ERI1: variants seen among roughly 807,000 people sequenced by gnomAD.
ERI1 encodes the protein 3'-5' exoribonuclease 1.
ERI1 carries 39 observed loss-of-function variants against 39.7 expected under a neutral mutation model. That is an observed-to-expected ratio of 0.98 (90% CI 0.76 to 1.28). The LOEUF (loss-of-function observed/expected upper bound fraction) is 1.28, where lower values mean the gene tolerates loss of function less well. Ranked by LOEUF, ERI1 falls within the 50% of genes most tolerant of loss-of-function variation. The pLI, the probability that ERI1 is intolerant of heterozygous loss-of-function variation, is 0.00. For missense variants in ERI1, 581 were observed against 416.9 expected (o/e 1.39, Z -3.43); for synonymous variants, 204 against 149.6 (o/e 1.36, Z -2.65).
chr8:9,003,617 C>T (rs1472762267), intron 1 of ERI1, among the ~76,000 whole-genome samples: 2 of 152,186 alleles, frequency 1.3e-5, no homozygotes, highest in South Asian at 2.1e-4. Flanking sequence ...GTCTCTGTAC[C>T]TGTTAAGTGG....
intron 6 of ERI1, among the ~76,000 whole-genome samples, chr8:9,029,099 C>G (rs1296977982): frequency 1.3e-5 from 2 of 149,168 alleles, no homozygotes; most frequent in African/African-American, 2.5e-5. Context: ...AAAGGCTAGT[C>G]TTTTTATCTA....
At chr8:9,013,952 C>T (rs28441364) in intron 3 of ERI1, among the ~76,000 whole-genome samples, 2,432 of 152,282 alleles carry the variant, frequency 0.016, 59 homozygotes, top group African/African-American at 0.055. Flanking sequence ...GCATTCGCCA[C>T]CTAACTGGTC....
At chr8:9,063,208 G>A (rs1010761504) in intron 3 of ERI1, among the ~76,000 whole-genome samples, 5 of 152,142 alleles carry the variant, frequency 3.3e-5, no homozygotes, top group African/African-American at 1.2e-4. Flanking sequence ...TGACCTTTTA[G>A]GGTCTAGGGC....
chr8:9,011,460 C>G (rs144606704), intron 2 of ERI1, 82 bp from the exon 3 acceptor site: 1 of 856,974 alleles, frequency 1.2e-6, no homozygotes, highest in African/African-American at 1.7e-5. Flanking sequence ...TGTCAGTGTT[C>G]AGCCCAGTGC....
intron 3 of ERI1, among the ~76,000 whole-genome samples, chr8:9,014,168 C>CA (rs1409091657): frequency 6.6e-6 from 1 of 152,212 alleles, no homozygotes; most frequent in Non-Finnish European, 1.5e-5. Context: ...TTCCTTAACT[C>CA]ATTCCACTCC....
At chr8:9,013,038 TA>T (rs1313287178) in intron 3 of ERI1, among the ~76,000 whole-genome samples, 6 of 152,054 alleles carry the variant, frequency 3.9e-5, no homozygotes, top group Admixed American at 1.3e-4. Context: ...TTTTCTTTTT[TA>T]AGATAGAGTC....
At chr8:9,006,029 G>A (rs945154992) in intron 1 of ERI1, among the ~76,000 whole-genome samples, 2 of 152,228 alleles carry the variant, frequency 1.3e-5, no homozygotes, top group Admixed American at 1.3e-4. Context: ...CGTATTATAT[G>A]TGACATGTGA....
intron 3 of ERI1, among the ~76,000 whole-genome samples, chr8:9,012,449 G>T (rs1300323284): frequency 1.3e-5 from 2 of 152,162 alleles, no homozygotes; most frequent in African/African-American, 4.8e-5. Flanking sequence ...GATATCCTCA[G>T]TTGCTACCAA....
chr8:9,036,226 G>A (rs1002600812), downstream of ERI1, among the ~76,000 whole-genome samples: 2 of 152,196 alleles, frequency 1.3e-5, no homozygotes, highest in African/African-American at 4.8e-5. Context: ...TTGAAAGAAG[G>A]TCTGTGGATA....
At chr8:9,046,479 G>C (rs959344212) in intron 3 of ERI1, among the ~76,000 whole-genome samples, 4 of 152,100 alleles carry the variant, frequency 2.6e-5, no homozygotes, top group African/African-American at 9.7e-5. Flanking sequence ...TTATTTCTTT[G>C]AGAAATTCCC....
chr8:9,027,196 G>T (rs1160715770), intron 6 of ERI1, among the ~76,000 whole-genome samples: 15 of 148,184 alleles, frequency 1.0e-4, no homozygotes, highest in African/African-American at 3.0e-4. Context: ...CATTCTAATG[G>T]GTGTGAAGTG....
At chr8:9,065,846 C>G (rs1282130456) in intron 3 of ERI1, among the ~76,000 whole-genome samples, 1 of 152,070 alleles carries the variant, frequency 6.6e-6, no homozygotes, top group Non-Finnish European at 1.5e-5. Context: ...TTTTTCCTCT[C>G]CTGTTGCAAA....
intron 1 of ERI1, chr8:9,004,242 C>G (rs1407687121): frequency 2.5e-6 from 3 of 1,221,986 alleles, no homozygotes; most frequent in African/African-American, 1.6e-5. Flanking sequence ...TTGTAAAGAA[C>G]CACTCTTCCA....
At chr8:9,082,783 A>G (rs1483790770) in intron 3 of ERI1, among the ~76,000 whole-genome samples, 1 of 152,216 alleles carries the variant, frequency 6.6e-6, no homozygotes, top group African/African-American at 2.4e-5. Context: ...CTTTCTAGAA[A>G]CATAGAGAAA....
intron 3 of ERI1, among the ~76,000 whole-genome samples, chr8:9,070,341 A>G (rs1799009972): frequency 6.6e-6 from 1 of 152,176 alleles, no homozygotes; most frequent in Non-Finnish European, 1.5e-5. Context: ...AGTCTAAAGA[A>G]GCAGGGTGTG....
intron 3 of ERI1, among the ~76,000 whole-genome samples, chr8:9,086,593 T>G (rs1799535020): frequency 6.6e-6 from 1 of 152,168 alleles, no homozygotes; most frequent in African/African-American, 2.4e-5. Context: ...ACCCATAGTT[T>G]GACTCTTAAG....
chr8:9,021,144 T>C (rs914674865), intron 6 of ERI1, among the ~76,000 whole-genome samples: 1 of 152,192 alleles, frequency 6.6e-6, no homozygotes, highest in Non-Finnish European at 1.5e-5. Context: ...CCCGTGACTA[T>C]GGAGAGTGTC....
At chr8:9,006,398 T>G (rs1195595250) in intron 1 of ERI1, among the ~76,000 whole-genome samples, 1 of 152,248 alleles carries the variant, frequency 6.6e-6, no homozygotes, top group East Asian at 1.9e-4. Context: ...AGCTACAGTT[T>G]AGGATGAGAA....
chr8:9,054,822 G>A (rs1187819212), intron 3 of ERI1, among the ~76,000 whole-genome samples: 1 of 152,256 alleles, frequency 6.6e-6, no homozygotes. Context: ...CAGCTAGTCA[G>A]GAGGCTGAGA....
Sources: allele counts gnomAD v4.1 joint callset (sites outside exome capture counted in the v4.1 genomes callset), GRCh38; gene constraint gnomAD v4.1.1; transcripts MANE v1.5; gene names NCBI Gene and HGNC (gene_info 2026-07-23, HGNC 2026-07-21).